CALN1: variants seen among roughly 807,000 people sequenced by gnomAD.
The protein encoded by CALN1 is calcium-binding protein 8.
CALN1 carries 17 observed loss-of-function variants against 30.6 expected under a neutral mutation model. The ratio of observed to expected loss-of-function variants is 0.56; its 90% CI spans 0.38 to 0.83. The LOEUF (loss-of-function observed/expected upper bound fraction) is 0.83, where lower values mean the gene tolerates loss of function less well. CALN1 is among the 40% of genes least tolerant of loss of function. The probability of loss-of-function intolerance (pLI) is 0.00; values close to 1 mark genes in which losing one functional copy is unlikely to be tolerated. For missense variants in CALN1, 291 were observed against 354.9 expected (o/e 0.82, Z 1.45); for synonymous variants, 156 against 131.4 (o/e 1.19, Z -1.28).
At chr7:72,225,227 C>T (rs1222643745) in intron 3 of CALN1, among the ~76,000 whole-genome samples, 1 of 152,040 alleles carries the variant, frequency 6.6e-6, no homozygotes, top group African/African-American at 2.4e-5. Context: ...TCGGCTTTCA[C>T]GTCTCTTCCT....
chr7:72,271,563 T>TAAAAA (rs1426004146), intron 3 of CALN1, among the ~76,000 whole-genome samples: 2 of 76,264 alleles, frequency 2.6e-5, no homozygotes, highest in African/African-American at 7.9e-5. Context: ...TGCCTGCCTT[T>TAAAAA]TAAAAAAAAA....
intron 4 of CALN1, among the ~76,000 whole-genome samples, chr7:72,054,488 T>TACATATATAC (rs1563015707): frequency 9.4e-6 from 1 of 105,950 alleles, no homozygotes; most frequent in Non-Finnish European, 2.0e-5. Context: ...TACATATATA[T>TACATATATAC]ATACATATAT....
At chr7:72,258,897 T>TGA (rs1554340985) in intron 3 of CALN1, among the ~76,000 whole-genome samples, 1 of 132,730 alleles carries the variant, frequency 7.5e-6, no homozygotes, top group Non-Finnish European at 1.6e-5. Context: ...TACTAAAAAG[T>TGA]AAAAAAAAAA....
At chr7:71,916,795 TTAAAA>T (rs1234948576) in intron 5 of CALN1, among the ~76,000 whole-genome samples, 1 of 152,064 alleles carries the variant, frequency 6.6e-6, no homozygotes, top group African/African-American at 2.4e-5. Context: ...ACCCTGGAAC[TTAAAA>T]TAAAAGTTGA....
At chr7:72,266,856 G>A (rs895718987) in intron 3 of CALN1, among the ~76,000 whole-genome samples, 2 of 152,116 alleles carry the variant, frequency 1.3e-5, no homozygotes, top group Non-Finnish European at 2.9e-5. Context: ...TGCTAACAAA[G>A]CCTCACAACT....
chr7:72,238,972 C>A (rs185852525), intron 3 of CALN1, among the ~76,000 whole-genome samples: 1 of 152,334 alleles, frequency 6.6e-6, no homozygotes, highest in African/African-American at 2.4e-5. Context: ...AGCTAGGAAG[C>A]AGGAGAGAGG....
At chr7:71,948,964 G>A (rs952576752) in intron 5 of CALN1, among the ~76,000 whole-genome samples, 2 of 140,040 alleles carry the variant, frequency 1.4e-5, no homozygotes, top group Admixed American at 1.5e-4. Context: ...GATCACTTGA[G>A]CCCAGGAGTT....
chr7:72,058,153 C>A (rs991900773), intron 4 of CALN1, among the ~76,000 whole-genome samples: 2 of 152,094 alleles, frequency 1.3e-5, no homozygotes, highest in African/African-American at 4.8e-5. Context: ...CCACGTTAAA[C>A]ACCTACACGT....
chr7:71,853,834 C>A (rs117633984), intron 5 of CALN1, among the ~76,000 whole-genome samples: 1 of 152,094 alleles, frequency 6.6e-6, no homozygotes, highest in African/African-American at 2.4e-5. Context: ...CCCACCTCGG[C>A]GTTCCAAAGT....
chr7:71,985,590 T>C (rs967888487), intron 5 of CALN1, among the ~76,000 whole-genome samples: 24 of 139,274 alleles, frequency 1.7e-4, no homozygotes, highest in African/African-American at 3.3e-4. Context: ...TTTTCTTTTT[T>C]TTTTTTTTTT....
intron 4 of CALN1, among the ~76,000 whole-genome samples, chr7:72,098,764 GCACACACACA>G (rs1181933030): frequency 0.018 from 2,621 of 142,724 alleles, 61 homozygotes; most frequent in African/African-American, 0.063. Context: ...CATTTGGCGC[GCACACACACA>G]CACACACACA....
intron 2 of CALN1, among the ~76,000 whole-genome samples, chr7:72,303,919 G>GT (rs1799467823): frequency 6.6e-6 from 1 of 152,168 alleles, no homozygotes; most frequent in South Asian, 2.1e-4. Flanking sequence ...TATCATATTT[G>GT]TTTCTGCAGT....
At chr7:72,207,303 TG>T (rs1791963067) in intron 3 of CALN1, among the ~76,000 whole-genome samples, 1 of 152,156 alleles carries the variant, frequency 6.6e-6, no homozygotes, top group Non-Finnish European at 1.5e-5. Flanking sequence ...GCTCTGCCCC[TG>T]GATCTTCCCA....
Position 71,805,512 on chromosome 7 carries a change from G to C in CALN1, c.658+4824C>G, listed in dbSNP as rs1787554354. On this transcript the variant is annotated intron_variant, in intron 6 of 6. Coordinates refer to ENST00000395275, the MANE Select transcript of CALN1 (RefSeq NM_031468.4). The stretch of plus-strand genomic sequence containing the variant: ...TAGGTGCTAGATTCATCAAGACTTG[G>C]GATGGAGGGAGCAGACAGTGAGTCA... 2.6e-5 allele frequency among the ~76,000 whole-genome samples: 4 copies of C among 152,272 alleles called. No individual in the cohort carries two copies. In the South Asian group the frequency reaches 8.3e-4, roughly 32 times the overall value.
Position 72,424,695 on chromosome 7 carries a change from C to T in CALN1, c.-225-12420G>A, listed in dbSNP as rs1478414428. ...CACTGCAGCCTCAAACTTCTGACCT[C>T]GGGAGATCCTTCAACCTTAGCCTCC... On this transcript the variant is annotated intron_variant, in intron 1 of 6. Coordinates refer to the CALN1 transcript ENST00000395276. 3.3e-5 allele frequency among the ~76,000 whole-genome samples: 5 copies of T among 152,166 alleles called. No homozygotes were observed. In the East Asian group the frequency reaches 9.7e-4, roughly 29 times the overall value.
intron 2 of CALN1, among the ~76,000 whole-genome samples, chr7:72,342,783 G>A (rs1802442046): frequency 6.6e-6 from 1 of 151,686 alleles, no homozygotes; most frequent in Non-Finnish European, 1.5e-5. Flanking sequence ...TCTACTTCAA[G>A]TGCCCAAGAC....
intron 3 of CALN1, among the ~76,000 whole-genome samples, chr7:72,221,999 G>A (rs1235017183): frequency 6.6e-6 from 1 of 152,044 alleles, no homozygotes; most frequent in Non-Finnish European, 1.5e-5. Context: ...GCCAAGGCGG[G>A]CGGATCATTT....
chr7:71,864,705 G>T (rs1423617349), intron 5 of CALN1, among the ~76,000 whole-genome samples: 1 of 152,104 alleles, frequency 6.6e-6, no homozygotes, highest in East Asian at 1.9e-4. Flanking sequence ...TACAACAATA[G>T]AAAATAAATG....
intron 5 of CALN1, among the ~76,000 whole-genome samples, chr7:71,895,658 T>A (rs1382732664): frequency 6.6e-6 from 1 of 152,074 alleles, no homozygotes; most frequent in East Asian, 1.9e-4. Context: ...TCTGTAAGAG[T>A]TATGACAGAA....
Sources: gnomAD v4.1 joint callset for allele counts (sites outside exome capture counted in the v4.1 genomes callset) on GRCh38, gnomAD v4.1.1 for gene constraint, MANE v1.5 for transcripts, NCBI Gene and HGNC (gene_info 2026-07-23, HGNC 2026-07-21) for gene names.